Variants in ABCD3 observed in about 807,000 individuals in gnomAD.
The protein encoded by ABCD3 is ATP-binding cassette sub-family D member 3.
A neutral mutation model predicts 105.5 loss-of-function variants in ABCD3; 41 were observed. That is an observed-to-expected ratio of 0.39 (90% confidence interval 0.30 to 0.50). The LOEUF is 0.50. Ranked by LOEUF, ABCD3 falls within the 20% of genes least tolerant of loss-of-function variation. ABCD3 has a pLI of 0.84. For synonymous variants in ABCD3, 258 were observed against 269.0 expected (o/e 0.96, Z 0.40); for missense variants, 622 against 806.3 (o/e 0.77, Z 2.77).
Position 94,464,881 on chromosome 1 carries a change from T to C in ABCD3, c.246+8T>C. On this transcript the variant is annotated splice_region_variant and intron_variant, in intron 3 of 22. Coordinates refer to ENST00000370214, the MANE Select transcript of ABCD3 (RefSeq NM_002858.4). ...AGAACATTTTGTAAAGAGGTAAGTC[T>C]TATGAAATTATAATCTTAAGTATAT... is the stretch of plus-strand genomic sequence containing the variant. 1 of 1,600,572 alleles carries C rather than the reference T, an allele frequency of 6.2e-7. No homozygotes were observed. Among genetic ancestry groups the C allele is most frequent in the South Asian group, 1.1e-5 (1 of 90,800 alleles).
chr1:94,471,524 A>G (rs887596274), intron 4 of ABCD3, among the ~76,000 whole-genome samples: 2 of 151,892 alleles, frequency 1.3e-5, no homozygotes, highest in Admixed American at 1.3e-4. Flanking sequence ...AAAGATTAGC[A>G]TAAGGAACTT....
chr1:94,460,568 T>A (rs1039573874), intron 2 of ABCD3, among the ~76,000 whole-genome samples: 17 of 152,286 alleles, frequency 1.1e-4, no homozygotes, highest in Non-Finnish European at 2.1e-4. Flanking sequence ...GAGCTTACAT[T>A]CTGCATATCA....
intron 21 of ABCD3, among the ~76,000 whole-genome samples, chr1:94,507,280 G>A (rs1650412905): frequency 6.6e-6 from 1 of 152,080 alleles, no homozygotes; most frequent in Non-Finnish European, 1.5e-5. Flanking sequence ...TGAGAATGAT[G>A]ATTTCCAATT....
intron 20 of ABCD3, among the ~76,000 whole-genome samples, chr1:94,501,164 G>A (rs923519459): frequency 3.3e-5 from 5 of 151,840 alleles, no homozygotes; most frequent in African/African-American, 1.2e-4. Context: ...GGGGGGCTGA[G>A]GCGGGAGAAT....
Position 94,506,610 on chromosome 1 carries a change from G to A in ABCD3, c.1813G>A (p.Val605Met), listed in dbSNP as rs1650363771. The change falls in exon 21 of 23, where the codon GTG becomes ATG. Residue 605 changes from valine to methionine, a missense_variant. By Grantham distance (21) the Val-to-Met change is conservative. Around this residue, in one of 4 missense-constraint regions of ABCD3, gnomAD observed 285 missense variants for 352.5 expected, o/e 0.81. Transcript: ENST00000370214. ...ATGCACAAGTGCAGTTAGTGTCGAC[G>A]TGGAAGGCTACATTTATAGTCATTG... Reference protein sequence around the residue: ...DECTSAVSVDVEGYIYSHCRK... With the variant: ...DECTSAVSVDMEGYIYSHCRK... The A allele has an allele frequency of 6.2e-7, 1 of 1,612,740 alleles. No homozygotes were observed.
chr1:94,433,606 G>A (rs948704458), intron 1 of ABCD3, among the ~76,000 whole-genome samples: 4 of 151,280 alleles, frequency 2.6e-5, no homozygotes, highest in Non-Finnish European at 4.4e-5. Context: ...GAATACTATA[G>A]GCAGTTGTAA....
chr1:94,438,949 C>T (rs546407557), intron 1 of ABCD3, among the ~76,000 whole-genome samples: 10 of 152,296 alleles, frequency 6.6e-5, no homozygotes, highest in Non-Finnish European at 1.5e-4. Flanking sequence ...TGAGGGTACA[C>T]TGCTATGTAT....
At position 94,518,578 on chromosome 1, in the gene ABCD3, C is replaced by T. The variant is rs1325209301; in HGVS notation, c.*1449C>T. On this transcript the variant is annotated 3_prime_UTR_variant, in exon 23 of 23. Transcript: ENST00000370214. ...TCTGGTATCTAAATACTGAGAAGTT[C>T]ATTTATAATTCAGCCTTGACTTGAA... 1 of 150,576 alleles carries T rather than the reference C, an allele frequency of 6.6e-6. No individual in the cohort carries two copies. Among genetic ancestry groups the T allele is most frequent in the Non-Finnish European group, 1.5e-5 (1 of 67,606 alleles). The allele number at this position is 150,576 out of a possible 1,614,324, so 9.3% of individuals were successfully genotyped here. A position where few individuals can be genotyped will look rare whatever the true frequency, so the allele number is the denominator to read the frequency against.
At chr1:94,445,983 A>G (rs1325797948) in intron 1 of ABCD3, among the ~76,000 whole-genome samples, 1 of 152,216 alleles carries the variant, frequency 6.6e-6, no homozygotes, top group African/African-American at 2.4e-5. Context: ...GAGAGTGGGT[A>G]AAGGAAATAC....
chr1:94,444,163 C>T (rs950446747), intron 1 of ABCD3, among the ~76,000 whole-genome samples: 2 of 151,850 alleles, frequency 1.3e-5, no homozygotes, highest in Non-Finnish European at 2.9e-5. Flanking sequence ...GAAACCTCGT[C>T]TCTCCTAAAA....
intron 3 of ABCD3, among the ~76,000 whole-genome samples, chr1:94,465,766 A>G (rs1039364863): frequency 6.6e-6 from 1 of 152,172 alleles, no homozygotes; most frequent in Non-Finnish European, 1.5e-5. Flanking sequence ...TTGCTTTTTT[A>G]TCAAGATTAT....
chr1:94,471,270 A>G (rs1648443728), intron 4 of ABCD3, among the ~76,000 whole-genome samples: 1 of 152,174 alleles, frequency 6.6e-6, no homozygotes, highest in African/African-American at 2.4e-5. Context: ...GAAAAATAGA[A>G]TAAGGGGCTG....
At chr1:94,488,024 TA>T (rs780408923) in intron 13 of ABCD3, 41 bp downstream of exon 13, 124 of 1,428,142 alleles carry the variant, frequency 8.7e-5, no homozygotes, top group Non-Finnish European at 1.2e-4. Flanking sequence ...AAATAATTTT[TA>T]AAAATATATT....
intron 1 of ABCD3, among the ~76,000 whole-genome samples, chr1:94,422,450 G>GA (rs780596046): frequency 7.2e-5 from 11 of 152,186 alleles, no homozygotes; most frequent in Non-Finnish European, 1.5e-4. Flanking sequence ...CCAATTTGTG[G>GA]AAAAATCGTG....
chr1:94,453,557 A>G (rs941731532), intron 1 of ABCD3, among the ~76,000 whole-genome samples: 1 of 151,866 alleles, frequency 6.6e-6, no homozygotes, highest in Admixed American at 6.6e-5. Context: ...TGACCTCGTG[A>G]TCCGCCCACC....
In ABCD3 at chr1:94,499,399, A is replaced by G. The variant is rs867586641; in HGVS notation, c.1621-96A>G. The G allele has an allele frequency of 1.4e-5, 18 of 1,319,162 alleles. No individual in the cohort carries two copies. The Middle Eastern group carries it at 2.3e-3, about 167-fold the overall frequency. The allele number at this position is 1,319,162 out of a possible 1,614,324, so 81.7% of individuals were successfully genotyped here. ...ATGTATCTTTTAAGTGGTACAGACA[A>G]TAGAATTATAGTGATTCCAGTTTAA... On this transcript the variant is annotated intron_variant, in intron 19 of 22. Coordinates refer to ENST00000370214, the MANE Select transcript of ABCD3 (RefSeq NM_002858.4).
At chr1:94,400,671 G>A in the ABCD3 span, among the ~76,000 whole-genome samples, 3 of 152,186 alleles carry the variant, frequency 2.0e-5, no homozygotes, top group Non-Finnish European at 2.9e-5. Flanking sequence ...GGATTCACCA[G>A]CACCTAGAGA....
chr1:94,424,050 C>A (rs1346120147), intron 1 of ABCD3, among the ~76,000 whole-genome samples: 3 of 151,970 alleles, frequency 2.0e-5, no homozygotes, highest in Non-Finnish European at 4.4e-5. Context: ...CGTTTGGATC[C>A]TCAAAATAAA....
At chr1:94,400,210 C>T in the ABCD3 span, among the ~76,000 whole-genome samples, 1 of 151,988 alleles carries the variant, frequency 6.6e-6, no homozygotes, top group African/African-American at 2.4e-5. Context: ...GAGTTCGAGA[C>T]CAGCCTGGCC....
Sources: gnomAD v4.1 joint callset for allele counts (sites outside exome capture counted in the v4.1 genomes callset) on GRCh38, gnomAD v4.1.1 for gene constraint, gnomAD v4.1.1 regional missense constraint, MANE v1.5 for transcripts, NCBI Gene and HGNC (gene_info 2026-07-23, HGNC 2026-07-21) for gene names.